Variants in CUX1 observed in about 807,000 individuals in gnomAD.
The protein encoded by CUX1 is protein CASP.
CUX1 carries 31 observed loss-of-function variants against 158.8 expected under a neutral mutation model. That is an observed-to-expected ratio of 0.20 (90% CI 0.15 to 0.26). The LOEUF (loss-of-function observed/expected upper bound fraction) is 0.26, where lower values mean the gene tolerates loss of function less well. Ranked by LOEUF, CUX1 falls within the 10% of genes least tolerant of loss-of-function variation. CUX1 has a pLI of 1.00. For synonymous variants in CUX1, 879 were observed against 862.1 expected, an observed-to-expected ratio of 1.02 and a Z score of -0.34; for missense variants, 1,589 against 2,014.6, an observed-to-expected ratio of 0.79 and a Z score of 4.04.
intron 3 of CUX1, among the ~76,000 whole-genome samples, chr7:102,052,160 G>T (rs1451414180): frequency 1.3e-5 from 2 of 151,070 alleles, no homozygotes; most frequent in Non-Finnish European, 3.0e-5. Flanking sequence ...GGCAGAGGTT[G>T]CAGTAAGCCG....
intron 20 of CUX1, among the ~76,000 whole-genome samples, chr7:102,223,820 T>C (rs554766343): frequency 6.6e-6 from 1 of 152,062 alleles, no homozygotes; most frequent in Admixed American, 6.5e-5. Context: ...AATACAAAAA[T>C]TACCTGGGCT....
At chr7:102,178,962 T>C (rs1792715522) in intron 11 of CUX1, among the ~76,000 whole-genome samples, 1 of 152,208 alleles carries the variant, frequency 6.6e-6, no homozygotes, top group East Asian at 1.9e-4. Context: ...CCTCCCAGGT[T>C]CAAGTGATTC....
At chr7:102,164,639 C>T (rs1176774422) in intron 9 of CUX1, among the ~76,000 whole-genome samples, 2 of 152,222 alleles carry the variant, frequency 1.3e-5, no homozygotes, top group African/African-American at 4.8e-5. Flanking sequence ...CAGCGTGGGA[C>T]ACGTGGTGGT....
At chr7:102,265,350 C>A (rs762208219) in intron 14 of CUX1, among the ~76,000 whole-genome samples, 2 of 112,374 alleles carry the variant, frequency 1.8e-5, no homozygotes, top group African/African-American at 3.9e-5. Flanking sequence ...GAGCAAAAAT[C>A]TGTCTCAAAA....
intron 8 of CUX1, among the ~76,000 whole-genome samples, chr7:102,128,842 G>A (rs963539610): frequency 2.0e-5 from 3 of 152,032 alleles, no homozygotes; most frequent in African/African-American, 4.8e-5. Flanking sequence ...GCTGGGCGTG[G>A]TGGCATGTGT....
chr7:101,834,141 A>G (rs1018619370), intron 1 of CUX1, among the ~76,000 whole-genome samples: 2 of 63,470 alleles, frequency 3.2e-5, no homozygotes, highest in East Asian at 8.3e-4. Flanking sequence ...GAGGCCTCTT[A>G]TTTATTTGAA....
At chr7:102,211,145 A>C (rs1194475918) in intron 20 of CUX1, among the ~76,000 whole-genome samples, 1 of 152,150 alleles carries the variant, frequency 6.6e-6, no homozygotes, top group Non-Finnish European at 1.5e-5. Context: ...ATTCCACAGC[A>C]CTGTCTAAAG....
chr7:102,062,362 C>T (rs1003271728), intron 3 of CUX1, among the ~76,000 whole-genome samples: 3 of 152,152 alleles, frequency 2.0e-5, no homozygotes, highest in African/African-American at 7.2e-5. Flanking sequence ...CTGGCACTCA[C>T]ATGGTTGGGC....
At chr7:102,039,212 A>C (rs1821770617) in intron 3 of CUX1, among the ~76,000 whole-genome samples, 1 of 152,212 alleles carries the variant, frequency 6.6e-6, no homozygotes, top group African/African-American at 2.4e-5. Context: ...TCCTCATCTT[A>C]CAGATAAAAG....
At chr7:102,185,429 T>C (rs1346174335) in intron 11 of CUX1, among the ~76,000 whole-genome samples, 4 of 152,018 alleles carry the variant, frequency 2.6e-5, no homozygotes, top group Non-Finnish European at 5.9e-5. Flanking sequence ...TTGGTTGATT[T>C]ATTTATGTAT....
intron 2 of CUX1, among the ~76,000 whole-genome samples, chr7:101,973,863 G>A (rs1174548463): frequency 1.3e-5 from 2 of 150,726 alleles, no homozygotes; most frequent in African/African-American, 2.4e-5. Context: ...CCACCTCCCA[G>A]GTTCAAGAGA....
At chr7:102,228,795 C>T (rs1798623593) in intron 21 of CUX1, among the ~76,000 whole-genome samples, 1 of 152,070 alleles carries the variant, frequency 6.6e-6, no homozygotes, top group Admixed American at 6.6e-5. Context: ...GAGATTCTGT[C>T]TCAAAAAAAG....
chr7:101,922,281 G>A (rs551080072), intron 2 of CUX1, among the ~76,000 whole-genome samples: 32 of 152,270 alleles, frequency 2.1e-4, no homozygotes, highest in African/African-American at 7.5e-4. Flanking sequence ...ATGGCAGAGC[G>A]TGTTAAGTGC....
At chr7:101,944,834 T>C (rs181664316) in intron 2 of CUX1, among the ~76,000 whole-genome samples, 21 of 152,344 alleles carry the variant, frequency 1.4e-4, no homozygotes, top group African/African-American at 4.3e-4. Context: ...AGGTTGCATC[T>C]GTCGCCACAC....
chr7:102,052,814 T>A (rs1204810222), intron 3 of CUX1, among the ~76,000 whole-genome samples: 6 of 152,180 alleles, frequency 3.9e-5, no homozygotes, highest in Admixed American at 1.3e-4. Context: ...CTTAGTATCA[T>A]CTTTTTTTTG....
intron 3 of CUX1, among the ~76,000 whole-genome samples, chr7:102,041,489 A>G (rs1483327894): frequency 6.6e-6 from 1 of 151,226 alleles, no homozygotes; most frequent in Non-Finnish European, 1.5e-5. Context: ...CCTGGCCTCA[A>G]GTGATCAACC....
chr7:102,176,774 T>C (rs544851436), intron 10 of CUX1, among the ~76,000 whole-genome samples: 185 of 151,914 alleles, frequency 1.2e-3, no homozygotes, highest in Admixed American at 2.0e-3. Flanking sequence ...GTTTTCGCCA[T>C]GTGGCCCAAG....
chr7:102,123,501 C>T (rs1180105987), intron 8 of CUX1, among the ~76,000 whole-genome samples: 4 of 148,372 alleles, frequency 2.7e-5, no homozygotes, highest in South Asian at 2.1e-4. Flanking sequence ...CCCAGCTACT[C>T]GGGAGGCTGA....
chr7:102,166,230 A>G (rs1791017808), intron 9 of CUX1, among the ~76,000 whole-genome samples: 1 of 152,186 alleles, frequency 6.6e-6, no homozygotes, highest in Non-Finnish European at 1.5e-5. Context: ...ATATGCAAGC[A>G]GTATCCTCCT....
Sources: allele counts gnomAD v4.1 joint callset (sites outside exome capture counted in the v4.1 genomes callset), GRCh38; gene constraint gnomAD v4.1.1; transcripts MANE v1.5; gene names NCBI Gene and HGNC (gene_info 2026-07-23, HGNC 2026-07-21).